The following PDCD11 variants were observed in gnomAD, a reference collection of about 807,000 sequenced individuals.
PDCD11 encodes the protein programmed cell death 11, also known as protein RRP5 homolog.
In PDCD11, 97 loss-of-function variants were observed where a neutral mutation model predicts 198.9. The ratio of observed to expected loss-of-function variants is 0.49; its 90% confidence interval spans 0.41 to 0.58. The LOEUF (loss-of-function observed/expected upper bound fraction) is 0.58. Among genes scored for constraint, PDCD11 ranks in the 20% least tolerant of loss-of-function variants. The pLI, the probability that PDCD11 is intolerant of heterozygous loss-of-function variation, is 0.00. For missense variants in PDCD11, 2,102 were observed against 2,312.7 expected (o/e 0.91, Z 1.87); for synonymous variants, 893 against 918.0 (o/e 0.97, Z 0.49).
Position 103,421,504 on chromosome 10 carries a change from C to G in PDCD11, c.2434C>G (p.Leu812Val), listed in dbSNP as rs1458752650. Residue 812 changes from leucine (L) to valine (V), a missense_variant, in exon 17 of 36, where the codon CTC (leucine) becomes GTC (valine). Leu to Val is a conservative substitution (Grantham distance 32, BLOSUM62 1). Transcript: ENST00000369797. ...TCTGGGGGACTTGGCTATCACCAGC[C>G]TCCTCCTCCTGAATCAGTGCCTGGA... ...CGLGDLAITSLLLLNQCLEEL... is the reference protein window; with the variant it reads ...CGLGDLAITSVLLLNQCLEEL... 6.3e-7 allele frequency: 1 copy of G among 1,590,116 alleles called. No individual in the cohort carries two copies. The highest frequency in any genetic ancestry group is 1.1e-5 in the South Asian group (1 of 87,508).
intron 7 of PDCD11, among the ~76,000 whole-genome samples, chr10:103,408,314 C>A (rs187772124): frequency 3.9e-5 from 6 of 151,946 alleles, no homozygotes; most frequent in Non-Finnish European, 8.8e-5. Flanking sequence ...GTATTGGAGC[C>A]TTCTTTGGTC....
rs2030683836 is a variant in PDCD11 at position 103,409,779 on chromosome 10, A to C, written c.951A>C (p.Lys317Asn). 6.2e-7 allele frequency: 1 copy of C among 1,613,684 alleles called. No individual in the cohort carries two copies. The highest frequency in any genetic ancestry group is 1.3e-5 in the African/African-American group (1 of 74,932). ...VVDFMHLDPKKAGTYFSNQAV... is the reference protein window; with the variant it reads ...VVDFMHLDPKNAGTYFSNQAV... The stretch of plus-strand genomic sequence containing the variant: ...ACTTTATGCACCTGGATCCCAAGAA[A>C]GCTGGAACATATTTCTCAAATCAGG... The change falls in exon 8 of 36, where the codon AAA becomes AAC. Residue 317 changes from lysine (K) to asparagine (N), a missense_variant. By Grantham distance (94) the Lys-to-Asn change is moderately conservative. Transcript: ENST00000369797.
intron 21 of PDCD11, among the ~76,000 whole-genome samples, chr10:103,429,554 GTCT>G (rs78846539): frequency 0.095 from 14,458 of 152,002 alleles, 745 homozygotes; most frequent in East Asian, 0.22. Flanking sequence ...TTCTCCCCAT[GTCT>G]TCACATGGTC....
At chr10:103,443,821 C>G in intron 33 of PDCD11, 94 bp from the exon 34 acceptor site, 1 of 1,297,956 alleles carries the variant, frequency 7.7e-7, no homozygotes, top group Middle Eastern at 1.9e-4. Context: ...TGTCTGGGAG[C>G]CCAGGTCTAG....
chr10:103,428,120 A>G (rs1402660099), intron 21 of PDCD11, among the ~76,000 whole-genome samples: 8 of 152,178 alleles, frequency 5.3e-5, no homozygotes, highest in Non-Finnish European at 2.9e-5. Flanking sequence ...AGCCTGACCA[A>G]CATGGCGAAA....
intron 21 of PDCD11, among the ~76,000 whole-genome samples, chr10:103,428,558 A>G (rs2031797250): frequency 6.6e-6 from 1 of 152,184 alleles, no homozygotes; most frequent in Non-Finnish European, 1.5e-5. Flanking sequence ...AGTATCTTCA[A>G]CTCTGACATG....
chr10:103,422,957 C>T (rs761973802), intron 17 of PDCD11, 31 bp from the exon 18 acceptor site: 40 of 1,463,888 alleles, frequency 2.7e-5, no homozygotes, highest in Non-Finnish European at 3.4e-5. Flanking sequence ...TTTCATGGTA[C>T]TAATCCGTGT....
intron 18 of PDCD11, 39 bp downstream of exon 18, chr10:103,423,176 G>A (rs746181456): frequency 1.3e-6 from 2 of 1,501,428 alleles, no homozygotes; most frequent in Non-Finnish European, 1.8e-6. Context: ...TTGGTGGGAG[G>A]ACCCTTTGTC....
intron 3 of PDCD11, among the ~76,000 whole-genome samples, chr10:103,401,950 G>C (rs941973530): frequency 2.6e-5 from 4 of 152,046 alleles, no homozygotes; most frequent in African/African-American, 7.2e-5. Flanking sequence ...TACCATGTTA[G>C]CCAGGATGGT....
intron 15 of PDCD11, among the ~76,000 whole-genome samples, chr10:103,419,005 C>A (rs888183922): frequency 2.0e-5 from 3 of 151,328 alleles, no homozygotes; most frequent in African/African-American, 7.3e-5. Context: ...TTCCCCTATG[C>A]CTTCTCCCCG....
intron 8 of PDCD11, among the ~76,000 whole-genome samples, chr10:103,411,113 C>T (rs12262041): frequency 0.049 from 7,444 of 151,652 alleles, 623 homozygotes; most frequent in African/African-American, 0.17. Context: ...GGCGAGGTCT[C>T]GCCATGTTGC....
chr10:103,414,974 C>G, intron 11 of PDCD11, 31 bp from the exon 12 acceptor site: 1 of 1,612,200 alleles, frequency 6.2e-7, no homozygotes, highest in Non-Finnish European at 8.5e-7. Context: ...ATTCTTGAGA[C>G]ATTGTGGCAG....
chr10:103,440,492 G>A lies in PDCD11; in HGVS notation c.4351G>A (p.Glu1451Lys), dbSNP rs763863942. Residue 1451 changes from glutamate to lysine, a missense_variant, in exon 29 of 36, where the codon GAG (glutamate) becomes AAG (lysine). By Grantham distance (56) the Glu-to-Lys change is moderately conservative. Transcript: ENST00000369797. ...KKNQKGQEEV[E>K]MPSKEKQQPQ... ...GAACCAGAAGGGGCAGGAGGAGGTGGAGATGCCCAGCAAGGAGAAGCAACA... is the reference window on the plus strand; with the variant it reads ...GAACCAGAAGGGGCAGGAGGAGGTGAAGATGCCCAGCAAGGAGAAGCAACA... 1 of 1,613,834 alleles carries A rather than the reference G, an allele frequency of 6.2e-7. No homozygotes were observed. Among genetic ancestry groups the A allele is most frequent in the Non-Finnish European group, 8.5e-7 (1 of 1,179,878 alleles).
At chr10:103,397,708 A>C (rs111423949) in intron 1 of PDCD11, among the ~76,000 whole-genome samples, 1,726 of 152,380 alleles carry the variant, frequency 0.011, 28 homozygotes, top group African/African-American at 0.039. Context: ...TGCTGGCATT[A>C]CAGGTGTGAG....
rs774759962 is a variant in PDCD11, at chr10:103,414,061, G to A, written c.1281G>A (p.Met427Ile). 3.7e-6 allele frequency: 6 copies of A among 1,613,222 alleles called. No homozygotes were observed. Among genetic ancestry groups the A allele is most frequent in the Middle Eastern group, 1.7e-4 (1 of 6,058 alleles). The change falls in exon 10 of 36, where the codon ATG becomes ATA. Residue 427 changes from methionine to isoleucine, a missense_variant. Coordinates refer to ENST00000369797, the MANE Select transcript of PDCD11 (RefSeq NM_014976.2). ...GTAGAATTATTGACTACAGCCAAAT[G>A]GATGAACTGGCCTTGCTCTCTCTAC... ...HKCRIIDYSQ[M>I]DELALLSLRT...
Position 103,425,443 on chromosome 10 carries a change from G to T in PDCD11, c.3223G>T (p.Gly1075Cys). The T allele has an allele frequency of 6.2e-7, 1 of 1,613,958 alleles. No individual in the cohort carries two copies. The highest frequency in any genetic ancestry group is 8.5e-7 in the Non-Finnish European group (1 of 1,180,016). The stretch of plus-strand genomic sequence containing the variant: ...CCACATTCTAGATGATGTTCCAGAG[G>T]GCACCTCTCCTACTACCAAGCTGAA... Reference protein sequence around the residue: ...ASHILDDVPEGTSPTTKLKVG... With the variant: ...ASHILDDVPECTSPTTKLKVG... Residue 1075 changes from glycine (G) to cysteine (C), a missense_variant, in exon 20 of 36, where the codon GGC becomes TGC. By Grantham distance (159) the Gly-to-Cys change is radical. Coordinates refer to ENST00000369797, the MANE Select transcript of PDCD11 (RefSeq NM_014976.2).
chr10:103,414,239 TATTTA>T (rs764616774), intron 10 of PDCD11, 26 bp from the exon 11 acceptor site: 1 of 1,606,532 alleles, frequency 6.2e-7, no homozygotes, highest in Non-Finnish European at 8.5e-7. Flanking sequence ...TGCCCTAGTT[TATTTA>T]ATTCTGTGTT....
At position 103,434,978 on chromosome 10, in the gene PDCD11, A is replaced by G; in HGVS notation, c.3845+3A>G. ...TTCGTCCCCCAGAAGGTTGTCAGGT[A>G]AGCGAAGTGTTCTTCCTCTTTTCAC... On this transcript the variant is annotated splice_donor_region_variant and intron_variant, in intron 25 of 35. Transcript: ENST00000369797. 6.5e-7 allele frequency: 1 copy of G among 1,529,288 alleles called. No individual in the cohort carries two copies. Among genetic ancestry groups the G allele is most frequent in the Non-Finnish European group, 8.8e-7 (1 of 1,133,424 alleles). The allele number at this position is 1,529,288 out of a possible 1,614,324, so 94.7% of individuals were successfully genotyped here. A position where few individuals can be genotyped will look rare whatever the true frequency, so the allele number is the denominator to read the frequency against.
chr10:103,440,337 A>T lies in PDCD11; in HGVS notation c.4196A>T (p.Asp1399Val). The stretch of plus-strand genomic sequence containing the variant: ...GTAGAGCTGTCTTTCCTCCCCGGAG[A>T]CACTGGGAAGCCAGACGTGCTTTCT... ...NLVELSFLPGDTGKPDVLSAS... is the reference protein window; with the variant it reads ...NLVELSFLPGVTGKPDVLSAS... The change falls in exon 29 of 36, where the codon GAC becomes GTC. Residue 1399 changes from aspartate to valine, a missense_variant. Transcript: ENST00000369797. 6.2e-7 allele frequency: 1 copy of T among 1,614,224 alleles called. No homozygotes were observed. The highest frequency in any genetic ancestry group is 8.5e-7 in the Non-Finnish European group (1 of 1,180,026).
Sources: gnomAD v4.1 joint callset for allele counts (sites outside exome capture counted in the v4.1 genomes callset) on GRCh38, gnomAD v4.1.1 for gene constraint, MANE v1.5 for transcripts, NCBI Gene and HGNC (gene_info 2026-07-23, HGNC 2026-07-21) for gene names.